NAV3: variants seen among roughly 807,000 people sequenced by gnomAD.
NAV3 encodes the protein pore membrane and/or filament interacting like protein 1.
Under a neutral mutation model 244.7 loss-of-function variants are expected in NAV3, and 87 were observed. The observed-to-expected ratio is 0.36, with a 90% CI of 0.30 to 0.42. The LOEUF (loss-of-function observed/expected upper bound fraction) is 0.42, where lower values mean the gene tolerates loss of function less well. Ranked by LOEUF, NAV3 falls within the 20% of genes least tolerant of loss-of-function variation. NAV3 has a pLI of 1.00. For missense variants in NAV3, 2,663 were observed against 2,893.3 expected, an observed-to-expected ratio of 0.92 and a Z score of 1.83; for synonymous variants, 1,126 against 1,042.2, an observed-to-expected ratio of 1.08 and a Z score of -1.55.
intron 2 of NAV3, among the ~76,000 whole-genome samples, chr12:77,747,998 C>T (rs1314673861): frequency 2.0e-5 from 3 of 151,968 alleles, no homozygotes; most frequent in Non-Finnish European, 4.4e-5. Context: ...CAAACCTGCA[C>T]GTTGTGCACG....
chr12:77,841,779 G>T (rs147006611), intron 1 of NAV3, among the ~76,000 whole-genome samples: 2,556 of 152,224 alleles, frequency 0.017, 65 homozygotes, highest in African/African-American at 0.058. Flanking sequence ...TGGTAACAAA[G>T]AAACTAGGTT....
chr12:77,721,329 G>T (rs903393715), intron 2 of NAV3, among the ~76,000 whole-genome samples: 2 of 151,962 alleles, frequency 1.3e-5, no homozygotes, highest in Non-Finnish European at 2.9e-5. Flanking sequence ...TCGTACAGCT[G>T]GTTCATTTTG....
At chr12:77,883,795 C>G (rs1882959325) in intron 1 of NAV3, among the ~76,000 whole-genome samples, 1 of 151,992 alleles carries the variant, frequency 6.6e-6, no homozygotes, top group Admixed American at 6.6e-5. Context: ...AGTTGTTACT[C>G]TATTGGTTTT....
At chr12:77,969,032 T>A (rs1382299014) in intron 5 of NAV3, among the ~76,000 whole-genome samples, 1 of 152,124 alleles carries the variant, frequency 6.6e-6, no homozygotes, top group Admixed American at 6.6e-5. Flanking sequence ...TGAGTCCTAG[T>A]CTCCTGTCAT....
intron 2 of NAV3, among the ~76,000 whole-genome samples, chr12:77,751,783 A>T (rs1052514197): frequency 2.6e-5 from 4 of 152,200 alleles, no homozygotes; most frequent in African/African-American, 9.6e-5. Context: ...GTATTCTTAA[A>T]TTACACAATA....
At chr12:77,727,726 CATT>C (rs1876942857) in intron 2 of NAV3, among the ~76,000 whole-genome samples, 1 of 151,924 alleles carries the variant, frequency 6.6e-6, no homozygotes, top group Non-Finnish European at 1.5e-5. Flanking sequence ...TAATTACTAT[CATT>C]ACCTCATTTT....
chr12:77,878,725 A>C (rs1048210787), intron 1 of NAV3, among the ~76,000 whole-genome samples: 9 of 150,752 alleles, frequency 6.0e-5, no homozygotes, highest in Non-Finnish European at 8.9e-5. Flanking sequence ...CTGATTGTGA[A>C]GTCTCTGGTG....
chr12:78,039,017 G>A lies in NAV3; in HGVS notation c.2024-10976G>A, dbSNP rs147381378. On this transcript the variant is annotated intron_variant, in intron 9 of 39. Transcript: ENST00000397909. ...GCCGGTATGCCTTGGTTTTTCAAGA[G>A]CATCTGCTTATTGTATTTATATGAT... 2.9e-3 allele frequency among the ~76,000 whole-genome samples: 443 copies of A among 152,154 alleles called. 1 individual carries two copies. Among genetic ancestry groups the A allele is most frequent in the Admixed American group, 5.6e-3 (86 of 15,274 alleles).
rs1045110801 is a variant in NAV3, at chr12:78,006,729, A to G, written c.1191A>G (p.Leu397=). 6.2e-7 allele frequency: 1 copy of G among 1,613,806 alleles called. No homozygotes were observed. Among genetic ancestry groups the G allele is most frequent in the Admixed American group, 1.7e-5 (1 of 59,978 alleles). Residue 397 remains leucine (L), a synonymous_variant, in exon 8 of 40, where the codon TTA becomes TTG. Transcript: ENST00000397909. The part of the protein sequence containing the change: ...KFKLVNARTA[L]RPPQPPSSGP... The stretch of plus-strand genomic sequence containing the variant: ...AGCTAGTCAATGCCCGGACTGCTTT[A>G]CGCCCCCCGCAGCCTCCCAGTTCAG...
chr12:77,870,527 A>T (rs959792272), intron 1 of NAV3, among the ~76,000 whole-genome samples: 1 of 152,162 alleles, frequency 6.6e-6, no homozygotes, highest in Non-Finnish European at 1.5e-5. Context: ...ACATTTAGGA[A>T]TCGGGATAAA....
At chr12:78,020,798 T>C (rs1306157080) in intron 8 of NAV3, among the ~76,000 whole-genome samples, 2 of 152,034 alleles carry the variant, frequency 1.3e-5, no homozygotes, top group African/African-American at 2.4e-5. Context: ...ATTCTTAAAG[T>C]AGTAAATATT....
At chr12:78,005,326 A>G (rs1446618572) in intron 7 of NAV3, among the ~76,000 whole-genome samples, 1 of 152,202 alleles carries the variant, frequency 6.6e-6, no homozygotes, top group Non-Finnish European at 1.5e-5. Context: ...AAAAATGTTA[A>G]TATTGCATAG....
intron 1 of NAV3, among the ~76,000 whole-genome samples, chr12:77,896,708 G>A (rs909182591): frequency 6.6e-6 from 1 of 152,164 alleles, no homozygotes; most frequent in Non-Finnish European, 1.5e-5. Flanking sequence ...GAGGGAACAC[G>A]CTTCCTCTAA....
chr12:77,642,445 A>T (rs1872454676), intron 2 of NAV3, among the ~76,000 whole-genome samples: 1 of 152,070 alleles, frequency 6.6e-6, no homozygotes, highest in Admixed American at 6.6e-5. Context: ...ATAGAAGGTA[A>T]ATTACGCAAT....
chr12:77,703,989 A>G (rs890785312), intron 2 of NAV3, among the ~76,000 whole-genome samples: 6 of 152,264 alleles, frequency 3.9e-5, no homozygotes, highest in Middle Eastern at 3.4e-3. Flanking sequence ...CATTGTTCTC[A>G]CTTGTAACGC....
At chr12:78,201,998 A>G (rs1959758331) in intron 38 of NAV3, among the ~76,000 whole-genome samples, 1 of 151,996 alleles carries the variant, frequency 6.6e-6, no homozygotes, top group Non-Finnish European at 1.5e-5. Context: ...GAAGCCTCAG[A>G]GATAAAGCTA....
intron 10 of NAV3, 61 bp from the exon 11 acceptor site, chr12:78,050,703 C>A (rs2137241249): frequency 2.0e-6 from 3 of 1,502,740 alleles, no homozygotes; most frequent in Non-Finnish European, 2.7e-6. Flanking sequence ...TGTCTTCATG[C>A]ATTCTAGATT....
chr12:77,622,810 C>T (rs1173830607), intron 2 of NAV3, among the ~76,000 whole-genome samples: 1 of 151,988 alleles, frequency 6.6e-6, no homozygotes, highest in Non-Finnish European at 1.5e-5. Flanking sequence ...AAATGTATAT[C>T]TATAACTTAT....
rs1874395105 is a variant in NAV3, at chr12:78,007,252, G to A, written c.1714G>A (p.Glu572Lys). ...SQSLSKPITM[E>K]KASASSCPAP... Reference sequence around the variant, plus strand: ...GTCCTTATCTAAGCCTATAACCATGGAGAAAGCAAGTGCTTCTAGTTGTCC... The same window carrying A: ...GTCCTTATCTAAGCCTATAACCATGAAGAAAGCAAGTGCTTCTAGTTGTCC... The change falls in exon 8 of 40, where the codon GAG (glutamate) becomes AAG (lysine). Residue 572 changes from glutamate to lysine, a missense_variant. Glu to Lys is a moderately conservative substitution (Grantham distance 56). Around this residue, in one of 6 missense-constraint regions of NAV3, gnomAD observed 1,521 missense variants for 1,497.0 expected, o/e 1.02. Transcript: ENST00000397909. The A allele has an allele frequency of 6.2e-7, 1 of 1,614,142 alleles. No individual in the cohort carries two copies. The highest frequency in any genetic ancestry group is 8.5e-7 in the Non-Finnish European group (1 of 1,180,030).
Sources: allele counts gnomAD v4.1 joint callset (sites outside exome capture counted in the v4.1 genomes callset), GRCh38; gene constraint gnomAD v4.1.1; regional missense constraint gnomAD v4.1.1; transcripts MANE v1.5; gene names NCBI Gene and HGNC (gene_info 2026-07-23, HGNC 2026-07-21).